The following TTLL11 variants were observed in gnomAD, a reference collection of about 807,000 sequenced individuals.
The protein encoded by TTLL11 is tubulin polyglutamylase TTLL11.
In TTLL11, 42 loss-of-function variants were observed where a neutral mutation model predicts 51.7. The ratio of observed to expected loss-of-function variants is 0.81; its 90% CI spans 0.64 to 1.05. TTLL11 has a LOEUF of 1.05. Among genes scored for constraint, TTLL11 ranks in the 50% least tolerant of loss-of-function variants. The pLI is 0.00. For missense variants in TTLL11, 799 were observed against 940.4 expected (o/e 0.85, Z 1.97); for synonymous variants, 381 against 383.5 (o/e 0.99, Z 0.08).
At chr9:122,043,401 T>C (rs183635851) in intron 1 of TTLL11, among the ~76,000 whole-genome samples, 3 of 152,254 alleles carry the variant, frequency 2.0e-5, no homozygotes, top group Admixed American at 1.3e-4. Context: ...AGGGCAGTCT[T>C]TTCAACAAGT....
intron 8 of TTLL11, among the ~76,000 whole-genome samples, chr9:121,858,378 G>A (rs1367891506): frequency 6.6e-6 from 1 of 152,288 alleles, no homozygotes; most frequent in African/African-American, 2.4e-5. Context: ...TGCCTCTCTA[G>A]GCCTCAGTTT....
intron 6 of TTLL11, among the ~76,000 whole-genome samples, chr9:121,927,339 C>T (rs1257419483): frequency 6.6e-6 from 1 of 152,194 alleles, no homozygotes; most frequent in Non-Finnish European, 1.5e-5. Context: ...TTTTTATAAC[C>T]ATTACCCTCT....
At chr9:121,891,323 T>G (rs970071464) in intron 6 of TTLL11, among the ~76,000 whole-genome samples, 2 of 152,126 alleles carry the variant, frequency 1.3e-5, no homozygotes, top group African/African-American at 4.8e-5. Flanking sequence ...TCCTGCAGGG[T>G]TGCCCGAGGA....
chr9:122,082,233 G>A (rs568897127), intron 1 of TTLL11, among the ~76,000 whole-genome samples: 72 of 152,362 alleles, frequency 4.7e-4, no homozygotes, highest in Admixed American at 4.7e-3. Context: ...GCCAGGTGCA[G>A]TGGCTCACGC....
chr9:121,878,081 C>T (rs1349114064), intron 6 of TTLL11, among the ~76,000 whole-genome samples: 1 of 152,232 alleles, frequency 6.6e-6, no homozygotes, highest in African/African-American at 2.4e-5. Context: ...AGTCCAGGCG[C>T]TTTCCACGCC....
intron 3 of TTLL11, among the ~76,000 whole-genome samples, chr9:122,017,737 A>G (rs557209864): frequency 6.6e-6 from 1 of 152,320 alleles, no homozygotes; most frequent in African/African-American, 2.4e-5. Flanking sequence ...CTGGGATTAC[A>G]GGCGTGAGCC....
At chr9:121,882,053 G>T (rs1838817288) in intron 6 of TTLL11, among the ~76,000 whole-genome samples, 1 of 152,166 alleles carries the variant, frequency 6.6e-6, no homozygotes, top group African/African-American at 2.4e-5. Flanking sequence ...AGAATTAAAT[G>T]GGCTAATCCA....
chr9:121,912,828 T>C (rs1165334192), intron 6 of TTLL11, among the ~76,000 whole-genome samples: 1 of 151,414 alleles, frequency 6.6e-6, no homozygotes, highest in African/African-American at 2.5e-5. Flanking sequence ...TAAAGATCCT[T>C]GGGAAAGGCA....
intron 4 of TTLL11, chr9:121,988,914 CA>C (rs1200549931): frequency 6.8e-6 from 4 of 591,932 alleles, no homozygotes; most frequent in Non-Finnish European, 1.1e-5. Flanking sequence ...CTCTGCTTTA[CA>C]TGTGTTATCT....
At chr9:122,068,890 T>C (rs572116385) in intron 1 of TTLL11, among the ~76,000 whole-genome samples, 1 of 152,286 alleles carries the variant, frequency 6.6e-6, no homozygotes, top group African/African-American at 2.4e-5. Flanking sequence ...CTCCTGTATG[T>C]GCTCCTTCAT....
intron 8 of TTLL11, among the ~76,000 whole-genome samples, chr9:121,842,915 C>T (rs1837401817): frequency 6.6e-6 from 1 of 152,216 alleles, no homozygotes. Context: ...ATTATTTAAC[C>T]TCTCTGAGCC....
chr9:121,977,439 A>G (rs1027293267), intron 4 of TTLL11, among the ~76,000 whole-genome samples: 2 of 152,180 alleles, frequency 1.3e-5, no homozygotes, highest in Non-Finnish European at 2.9e-5. Context: ...GGTACTCAAT[A>G]TATGCTATCT....
chr9:121,953,723 C>A (rs1841930787), intron 6 of TTLL11, among the ~76,000 whole-genome samples: 1 of 151,620 alleles, frequency 6.6e-6, no homozygotes. Context: ...AGAGACCAAC[C>A]CCTCCCCCAA....
chr9:121,884,481 G>A (rs1838927459), intron 6 of TTLL11, among the ~76,000 whole-genome samples: 3 of 152,144 alleles, frequency 2.0e-5, no homozygotes, highest in Non-Finnish European at 4.4e-5. Flanking sequence ...CACACACGCG[G>A]GAGAGGGAGA....
At chr9:121,896,950 A>T (rs1839549898) in intron 6 of TTLL11, among the ~76,000 whole-genome samples, 1 of 152,172 alleles carries the variant, frequency 6.6e-6, no homozygotes, top group Non-Finnish European at 1.5e-5. Flanking sequence ...CCGCTTCCCA[A>T]ACTGGCTCTG....
intron 8 of TTLL11, among the ~76,000 whole-genome samples, chr9:121,833,018 A>G (rs1837071256): frequency 1.1e-5 from 1 of 90,896 alleles, no homozygotes; most frequent in Non-Finnish European, 2.2e-5. Context: ...AATTACAGTC[A>G]TTTAGAACAA....
chr9:122,092,912 C>G lies in TTLL11; in HGVS notation c.237G>C (p.Gln79His). ...GCGTGGGCGGCGGCCGCTGAAGGAC[C>G]TGGGTGTTCCCCTCCTCAGCCGCAC... The part of the protein sequence containing the change: ...QPSAAEEGNT[Q>H]VLQRPPPTLP... The change falls in exon 1 of 9, where the codon CAG becomes CAC. Residue 79 changes from glutamine to histidine, a missense_variant. Coordinates refer to ENST00000321582, the MANE Select transcript of TTLL11 (RefSeq NM_001139442.2). 6.3e-7 allele frequency: 1 copy of G among 1,577,706 alleles called. No individual in the cohort carries two copies. The highest frequency in any genetic ancestry group is 1.7e-5 in the Admixed American group (1 of 57,222).
intron 6 of TTLL11, among the ~76,000 whole-genome samples, chr9:121,919,622 G>A (rs1400028033): frequency 6.6e-6 from 1 of 152,196 alleles, no homozygotes; most frequent in Non-Finnish European, 1.5e-5. Context: ...TAATATGGAA[G>A]ACAGTTGCTC....
At position 121,989,837 on chromosome 9, in the gene TTLL11, G is replaced by C. The variant is rs548674084; in HGVS notation, c.694-67C>G. 1.3e-6 allele frequency: 2 copies of C among 1,521,538 alleles called. No homozygotes were observed. Among genetic ancestry groups the C allele is most frequent in the Non-Finnish European group, 1.8e-6 (2 of 1,140,632 alleles). The allele number at this position is 1,521,538 out of a possible 1,614,324, so 94.3% of individuals were successfully genotyped here. On this transcript the variant is annotated intron_variant, in intron 3 of 8. Transcript: ENST00000321582. The surrounding 1 kb of genome is among the most constrained non-coding windows in gnomAD (Gnocchi z 4.2). ...CCTCTGGATCCCTAACACAGAGCAA[G>C]GCCTTAGCAAATGTGTGGTGAATGA...
Sources: allele counts gnomAD v4.1 joint callset (sites outside exome capture counted in the v4.1 genomes callset), GRCh38; gene constraint gnomAD v4.1.1; non-coding constraint Gnocchi (gnomAD v3.1); transcripts MANE v1.5; gene names NCBI Gene and HGNC (gene_info 2026-07-23, HGNC 2026-07-21).